Variants in ANKRD13C observed in about 807,000 individuals in gnomAD.
ANKRD13C encodes the protein ankyrin repeat domain-containing protein 13C.
In ANKRD13C, 16 loss-of-function variants were observed where a neutral mutation model predicts 65.5. The ratio of observed to expected loss-of-function variants is 0.24; its 90% CI spans 0.17 to 0.37. The LOEUF (loss-of-function observed/expected upper bound fraction) is 0.37, where lower values mean the gene tolerates loss of function less well. Among genes scored for constraint, ANKRD13C ranks in the 10% least tolerant of loss-of-function variants. The pLI, the probability that ANKRD13C is intolerant of heterozygous loss-of-function variation, is 1.00. For synonymous variants in ANKRD13C, 235 were observed against 238.7 expected, an observed-to-expected ratio of 0.98 and a Z score of 0.14; for missense variants, 503 against 655.9, an observed-to-expected ratio of 0.77 and a Z score of 2.55.
At chr1:70,285,630 C>CTTT (rs528594825) in intron 9 of ANKRD13C, among the ~76,000 whole-genome samples, 14 of 133,562 alleles carry the variant, frequency 1.0e-4, no homozygotes, top group African/African-American at 2.3e-4. Context: ...GAGTTAAACA[C>CTTT]TTTTTTTTTT....
intron 1 of ANKRD13C, among the ~76,000 whole-genome samples, chr1:70,348,365 A>G (rs555668461): frequency 6.6e-6 from 1 of 151,210 alleles, no homozygotes; most frequent in African/African-American, 2.4e-5. Flanking sequence ...CCCAACCTCC[A>G]CCTCCCAGTC....
intron 3 of ANKRD13C, among the ~76,000 whole-genome samples, chr1:70,316,092 ATAAT>A (rs1681061327): frequency 6.6e-6 from 1 of 152,220 alleles, no homozygotes; most frequent in South Asian, 2.1e-4. Flanking sequence ...CTAAAAACAT[ATAAT>A]TACCTGCAAT....
chr1:70,309,618 C>G (rs1214479029), intron 5 of ANKRD13C, among the ~76,000 whole-genome samples: 1 of 148,274 alleles, frequency 6.7e-6, no homozygotes, highest in Non-Finnish European at 1.5e-5. Context: ...CCCAGCTACT[C>G]GGAAGGCTGA....
rs543055245 is a variant in ANKRD13C at position 70,300,545 on chromosome 1, G to A, written c.921+219C>T. On this transcript the variant is annotated intron_variant, in intron 7 of 12. Transcript: ENST00000370944. ...GGAGGTTGCAGTGAGCCTAGATCAC[G>A]CCACTGCATTTCAGCCTGGGTGACA... Among the ~76,000 whole-genome samples, 7 of 152,058 alleles carry A rather than the reference G, an allele frequency of 4.6e-5. No homozygotes were observed. In the Middle Eastern group the frequency reaches 0.01, roughly 225 times the overall value.
intron 9 of ANKRD13C, among the ~76,000 whole-genome samples, chr1:70,290,730 A>G (rs28403019): frequency 1.3e-5 from 2 of 151,344 alleles, no homozygotes; most frequent in Non-Finnish European, 2.9e-5. Flanking sequence ...TTAATTTTTT[A>G]TTTTTTTAGT....
chr1:70,268,458 G>A (rs926880168), intron 12 of ANKRD13C, among the ~76,000 whole-genome samples: 5 of 152,088 alleles, frequency 3.3e-5, no homozygotes, highest in African/African-American at 7.2e-5. Context: ...CACTGTGCCC[G>A]GCGATACAGC....
intron 12 of ANKRD13C, among the ~76,000 whole-genome samples, chr1:70,268,936 T>G (rs1337940081): frequency 6.6e-6 from 1 of 152,088 alleles, no homozygotes; most frequent in Non-Finnish European, 1.5e-5. Context: ...ATGTGCACAA[T>G]GTGCAGGTTA....
At chr1:70,352,314 T>C (rs1572195118) in intron 1 of ANKRD13C, among the ~76,000 whole-genome samples, 1 of 117,572 alleles carries the variant, frequency 8.5e-6, no homozygotes, top group South Asian at 2.7e-4. Flanking sequence ...CACTCCAGCC[T>C]GGGCGACAGA....
chr1:70,268,382 G>A (rs956379618), intron 12 of ANKRD13C, among the ~76,000 whole-genome samples: 7 of 152,054 alleles, frequency 4.6e-5, no homozygotes, highest in Admixed American at 2.6e-4. Flanking sequence ...GGCTGGTCTC[G>A]AACTCCTGAC....
intron 3 of ANKRD13C, among the ~76,000 whole-genome samples, chr1:70,318,959 G>C (rs1296758977): frequency 2.6e-5 from 4 of 152,064 alleles, no homozygotes; most frequent in African/African-American, 9.7e-5. Context: ...GGGATTGCAG[G>C]CATGAGCCAC....
chr1:70,344,922 T>C (rs1030785698), intron 1 of ANKRD13C, among the ~76,000 whole-genome samples: 3 of 152,044 alleles, frequency 2.0e-5, no homozygotes, highest in African/African-American at 7.2e-5. Context: ...ATTAACTACA[T>C]TTTCCAAAAC....
rs1342368084 is a variant in ANKRD13C at position 70,289,360 on chromosome 1, A to G, written c.1215+3028T>C. Among the ~76,000 whole-genome samples the G allele has an allele frequency of 2.6e-5, 4 of 152,306 alleles. No homozygotes were observed. The East Asian group carries it at 7.7e-4, about 29-fold the overall frequency. The stretch of plus-strand genomic sequence containing the variant: ...ATCAAGTTGTCTATCGTAAGTTTAA[A>G]TGTACATAAATCAGACCAGAAGAGG... On this transcript the variant is annotated intron_variant, in intron 9 of 12. Transcript: ENST00000370944.
Position 70,354,426 on chromosome 1 carries a change from A to AG in ANKRD13C, c.-19dup, listed in dbSNP as rs774502578. 27 of 1,604,536 alleles carry AG rather than the reference A, an allele frequency of 1.7e-5. No individual in the cohort carries two copies. Among genetic ancestry groups the AG allele is most frequent in the East Asian group, 6.7e-5 (3 of 44,736 alleles). On this transcript the variant is annotated 5_prime_UTR_variant, in exon 1 of 13. Coordinates refer to ENST00000370944, the MANE Select transcript of ANKRD13C (RefSeq NM_030816.5). ...CCGGTCATCGCCGCCGCCAGGGGCA[A>AG]GGGGGGGAATCGGGAGGCTCACCGC...
chr1:70,300,357 G>A (rs1406511080), intron 7 of ANKRD13C, among the ~76,000 whole-genome samples: 3 of 152,176 alleles, frequency 2.0e-5, no homozygotes, highest in Admixed American at 1.3e-4. Context: ...GGAGGCCGAG[G>A]TGGGTGCATC....
At chr1:70,333,997 T>C (rs1681914980) in intron 2 of ANKRD13C, among the ~76,000 whole-genome samples, 1 of 152,180 alleles carries the variant, frequency 6.6e-6, no homozygotes, top group African/African-American at 2.4e-5. Flanking sequence ...ACATTGAAGA[T>C]ACAGATTTGA....
Position 70,354,353 on chromosome 1 carries a change from T to C in ANKRD13C, c.56A>G (p.Glu19Gly), listed in dbSNP as rs1401063615. ...LRRDHKPSKE[E>G]GDLLEPGDEE... ...ATCCCCGGGCTCCAGCAGGTCCCCT[T>C]CTTCTTTGCTGGGCTTGTGGTCCCT... The change falls in exon 1 of 13, where the codon GAA becomes GGA. Residue 19 changes from glutamate (E) to glycine (G), a missense_variant. Coordinates refer to ENST00000370944, the MANE Select transcript of ANKRD13C (RefSeq NM_030816.5). The C allele has an allele frequency of 6.2e-7, 1 of 1,613,934 alleles. No homozygotes were observed. The highest frequency in any genetic ancestry group is 1.3e-5 in the African/African-American group (1 of 74,912).
rs1328059370 is a variant in ANKRD13C, at chr1:70,270,967, G to C, written c.1395-11C>G. The C allele has an allele frequency of 6.4e-7, 1 of 1,552,134 alleles. No homozygotes were observed. The highest frequency in any genetic ancestry group is 1.7e-5 in the Admixed American group (1 of 57,586). On this transcript the variant is annotated splice_polypyrimidine_tract_variant and intron_variant, in intron 11 of 12. Coordinates refer to ENST00000370944, the MANE Select transcript of ANKRD13C (RefSeq NM_030816.5). ...AAAACATTCAATAATCTGAAAAATG[G>C]AAGAAGAAAAAAATGTTTTCATTGT...
In ANKRD13C at chr1:70,354,611, T is replaced by TG. The variant is rs1187645084; in HGVS notation, c.-204dup. Reference sequence around the variant, plus strand: ...TAGGCACGAAGGGACGCGCGCTCGCTGGGGGAAGCTAGAACTCAGGTGCCC... The same window carrying TG: ...TAGGCACGAAGGGACGCGCGCTCGCTGGGGGGAAGCTAGAACTCAGGTGCCC... On this transcript the variant is annotated 5_prime_UTR_variant, in exon 1 of 13. Coordinates refer to ENST00000370944, the MANE Select transcript of ANKRD13C (RefSeq NM_030816.5). 1 of 1,273,032 alleles carries TG rather than the reference T, an allele frequency of 7.9e-7. No individual in the cohort carries two copies. The highest frequency in any genetic ancestry group is 1.0e-6 in the Non-Finnish European group (1 of 953,356). 78.9% of individuals were successfully genotyped at this position (1,273,032 alleles called of 1,614,324 possible).
Position 70,278,563 on chromosome 1 carries a change from AT to A in ANKRD13C, c.1216-1720del, listed in dbSNP as rs572151206. Reference sequence around the variant, plus strand: ...CAAAAACCTCATAAATTAAAAAAAAATTTTTTTTCAATTGCTAATGAAAACC... The same window carrying A: ...CAAAAACCTCATAAATTAAAAAAAAATTTTTTTCAATTGCTAATGAAAACC... On this transcript the variant is annotated intron_variant, in intron 9 of 12. Transcript: ENST00000370944. Among the ~76,000 whole-genome samples the A allele has an allele frequency of 2.5e-3, 382 of 152,132 alleles. 1 individual carries two copies. Among genetic ancestry groups the A allele is most frequent in the Non-Finnish European group, 3.8e-3 (256 of 67,976 alleles).
Sources: allele counts gnomAD v4.1 joint callset (sites outside exome capture counted in the v4.1 genomes callset), GRCh38; gene constraint gnomAD v4.1.1; transcripts MANE v1.5; gene names NCBI Gene and HGNC (gene_info 2026-07-23, HGNC 2026-07-21).